The following SLCO3A1 variants were observed in gnomAD, a reference collection of about 807,000 sequenced individuals.
The protein encoded by SLCO3A1 is solute carrier organic anion transporter family member 3A1.
Under a neutral mutation model 63.1 loss-of-function variants are expected in SLCO3A1, and 27 were observed. The ratio of observed to expected loss-of-function variants is 0.43; its 90% CI spans 0.32 to 0.59. The LOEUF is 0.59. Ranked by LOEUF, SLCO3A1 falls within the 20% of genes least tolerant of loss-of-function variation. The pLI is 0.09. For missense variants in SLCO3A1, 773 were observed against 945.8 expected (o/e 0.82, Z 2.40); for synonymous variants, 473 against 409.9 (o/e 1.15, Z -1.86).
rs1567168728 is a variant in SLCO3A1, at chr15:91,880,162, C to CTATCTATCTATCT, written c.180+26074_180+26075insTATCTATCTATCT. On this transcript the variant is annotated intron_variant, in intron 1 of 9. Transcript: ENST00000318445. Reference sequence around the variant, plus strand: ...CCATCCATCCATCCATCCATCCATCCATCCATCCATCTATCTATCTATCTA... The same window carrying CTATCTATCTATCT: ...CCATCCATCCATCCATCCATCCATCCTATCTATCTATCTATCCATCCATCTATCTATCTATCTA... 5.2e-4 allele frequency among the ~76,000 whole-genome samples: 65 copies of CTATCTATCTATCT among 125,518 alleles called. 1 individual carries two copies. Among genetic ancestry groups the CTATCTATCTATCT allele is most frequent in the African/African-American group, 1.9e-3 (60 of 32,162 alleles). The allele number at this position is 125,518 out of a possible 152,430, so 82.3% of individuals were successfully genotyped here. A position where few individuals can be genotyped will look rare whatever the true frequency, so the allele number is the denominator to read the frequency against.
chr15:92,125,597 C>G (rs1321787986), intron 5 of SLCO3A1, among the ~76,000 whole-genome samples: 2 of 152,018 alleles, frequency 1.3e-5, no homozygotes, highest in African/African-American at 4.8e-5. Context: ...TTCCGTGAAA[C>G]CCTCCCTTCT....
rs1035905070 is a variant in SLCO3A1 at position 91,967,716 on chromosome 15, C to G, written c.646+51258C>G. 2.6e-5 allele frequency among the ~76,000 whole-genome samples: 4 copies of G among 152,146 alleles called. No homozygotes were observed. The highest frequency in any genetic ancestry group is 2.0e-4 in the Admixed American group (3 of 15,290). On this transcript the variant is annotated intron_variant, in intron 2 of 9. Coordinates refer to ENST00000318445, the MANE Select transcript of SLCO3A1 (RefSeq NM_013272.4). This position sits in a 1 kb window ranked among gnomAD's most constrained non-coding sequence, Gnocchi z 4.4. ...CTCCTGTTTTCCTGGATCATATTGT[C>G]TCTCAAATATCAATAGCACAGTTTT...
chr15:91,978,361 TGC>T (rs1280157312), intron 2 of SLCO3A1, among the ~76,000 whole-genome samples: 1 of 152,232 alleles, frequency 6.6e-6, no homozygotes, highest in Non-Finnish European at 1.5e-5. Context: ...AATGGCACTG[TGC>T]ACAAGTGTCT....
At chr15:92,018,239 CTTTG>C (rs1213027812) in intron 2 of SLCO3A1, among the ~76,000 whole-genome samples, 2 of 152,316 alleles carry the variant, frequency 1.3e-5, no homozygotes, top group African/African-American at 2.4e-5. Context: ...GTTGCTAAGT[CTTTG>C]TTTGGCCTTG....
At chr15:91,999,792 T>C (rs12101314) in intron 2 of SLCO3A1, among the ~76,000 whole-genome samples, 1 of 152,146 alleles carries the variant, frequency 6.6e-6, no homozygotes, top group South Asian at 2.1e-4. Context: ...ACCCTGTCTC[T>C]GAGAAAAAAA....
intron 9 of SLCO3A1, among the ~76,000 whole-genome samples, chr15:92,158,986 TC>T (rs2048404574): frequency 6.6e-6 from 1 of 152,100 alleles, no homozygotes; most frequent in Admixed American, 6.6e-5. Context: ...CCACCCCAAA[TC>T]CCCTATCTAA....
intron 4 of SLCO3A1, among the ~76,000 whole-genome samples, chr15:92,107,719 A>G (rs928772799): frequency 6.6e-6 from 1 of 152,212 alleles, no homozygotes; most frequent in African/African-American, 2.4e-5. Flanking sequence ...CCCCCTGATA[A>G]GAGCTGGCAT....
chr15:92,093,845 C>CA (rs1439541391), intron 2 of SLCO3A1, among the ~76,000 whole-genome samples: 1 of 151,936 alleles, frequency 6.6e-6, no homozygotes, highest in Non-Finnish European at 1.5e-5. Flanking sequence ...AGCTACCCTC[C>CA]ACTGGGCTTA....
intron 2 of SLCO3A1, among the ~76,000 whole-genome samples, chr15:92,007,032 C>T (rs890397779): frequency 6.6e-6 from 1 of 152,130 alleles, no homozygotes; most frequent in Admixed American, 6.6e-5. Context: ...CATATTATAC[C>T]GATTTAGCAC....
intron 4 of SLCO3A1, among the ~76,000 whole-genome samples, chr15:92,107,258 C>T (rs2047677753): frequency 6.6e-6 from 1 of 152,204 alleles, no homozygotes; most frequent in South Asian, 2.1e-4. Flanking sequence ...GATGTCTCAA[C>T]AGGAAAAGAA....
chr15:92,162,001 C>G (rs1054603572), intron 9 of SLCO3A1: 1 of 151,866 alleles, frequency 6.6e-6, no homozygotes, highest in Non-Finnish European at 1.5e-5. Flanking sequence ...TTCACTGACA[C>G]TAACTAAGAA....
At chr15:92,100,925 C>G (rs981249630) in intron 3 of SLCO3A1, among the ~76,000 whole-genome samples, 1 of 152,168 alleles carries the variant, frequency 6.6e-6, no homozygotes, top group African/African-American at 2.4e-5. Flanking sequence ...ATACACACTT[C>G]CACACAGAAG....
chr15:91,969,587 A>C (rs1180106187), intron 2 of SLCO3A1, among the ~76,000 whole-genome samples: 1 of 152,190 alleles, frequency 6.6e-6, no homozygotes, highest in Non-Finnish European at 1.5e-5. Context: ...GATTACAGAC[A>C]TGAGCCACAG....
chr15:91,989,225 T>A (rs2046094628), intron 2 of SLCO3A1, among the ~76,000 whole-genome samples: 2 of 152,236 alleles, frequency 1.3e-5, no homozygotes, highest in Non-Finnish European at 1.5e-5. Context: ...ACCTCCTCTT[T>A]AGGCTCTTGT....
chr15:91,970,683 C>A (rs1434471369), intron 2 of SLCO3A1, among the ~76,000 whole-genome samples: 1 of 152,144 alleles, frequency 6.6e-6, no homozygotes, highest in African/African-American at 2.4e-5. Flanking sequence ...TTTCCCCTGA[C>A]CAAAAAACAG....
In SLCO3A1 at chr15:91,993,694, G is replaced by C. The variant is rs564309073; in HGVS notation, c.646+77236G>C. On this transcript the variant is annotated intron_variant, in intron 2 of 9. Coordinates refer to ENST00000318445, the MANE Select transcript of SLCO3A1 (RefSeq NM_013272.4). Reference sequence around the variant, plus strand: ...AGCTCCCAGTAATCCTCATTTCCTGGTGTGCATACCCCTGTTTGGTCCTCT... The same window carrying C: ...AGCTCCCAGTAATCCTCATTTCCTGCTGTGCATACCCCTGTTTGGTCCTCT... Among the ~76,000 whole-genome samples, 20 of 152,238 alleles carry C rather than the reference G, an allele frequency of 1.3e-4. No homozygotes were observed. The South Asian group carries it at 3.7e-3, about 28-fold the overall frequency.
At chr15:92,016,886 G>A (rs1030275229) in intron 2 of SLCO3A1, among the ~76,000 whole-genome samples, 1 of 152,308 alleles carries the variant, frequency 6.6e-6, no homozygotes, top group South Asian at 2.1e-4. Context: ...AGTGAGTTAT[G>A]TGGGATTAAG....
At chr15:91,946,358 T>C (rs1458096173) in intron 2 of SLCO3A1, among the ~76,000 whole-genome samples, 1 of 152,224 alleles carries the variant, frequency 6.6e-6, no homozygotes, top group Non-Finnish European at 1.5e-5. Context: ...TCTGATCGTG[T>C]TACCTTCCAT....
rs576441942 is a variant in SLCO3A1, at chr15:91,886,946, C to G, written c.181-29047C>G. On this transcript the variant is annotated intron_variant, in intron 1 of 9. Transcript: ENST00000318445. This position sits in a 1 kb window ranked among gnomAD's most constrained non-coding sequence, Gnocchi z 4.9. Reference sequence around the variant, plus strand: ...CTGCTTACAGCTGAAGTTGCAGTTGCGTGGGAGAGGGAGCAGGAGTTTATT... The same window carrying G: ...CTGCTTACAGCTGAAGTTGCAGTTGGGTGGGAGAGGGAGCAGGAGTTTATT... Among the ~76,000 whole-genome samples the G allele has an allele frequency of 4.5e-4, 68 of 152,246 alleles. No individual in the cohort carries two copies. The highest frequency in any genetic ancestry group is 3.4e-3 in the Middle Eastern group (1 of 294).
Sources: allele counts gnomAD v4.1 joint callset (sites outside exome capture counted in the v4.1 genomes callset), GRCh38; gene constraint gnomAD v4.1.1; non-coding constraint Gnocchi (gnomAD v3.1); transcripts MANE v1.5; gene names NCBI Gene and HGNC (gene_info 2026-07-23, HGNC 2026-07-21).